The following PAPSS1 variants were observed in gnomAD, a reference collection of about 807,000 sequenced individuals.
PAPSS1 encodes 3'-phosphoadenosine 5'-phosphosulfate synthase 1.
In PAPSS1, 50 loss-of-function variants were observed where a neutral mutation model predicts 72.0. That is an observed-to-expected ratio of 0.69 (90% CI 0.55 to 0.88). The LOEUF (loss-of-function observed/expected upper bound fraction) is 0.88, where lower values mean the gene tolerates loss of function less well. Ranked by LOEUF, PAPSS1 falls within the 40% of genes least tolerant of loss-of-function variation. The pLI, the probability that PAPSS1 is intolerant of heterozygous loss-of-function variation, is 0.00. For synonymous variants in PAPSS1, 261 were observed against 263.6 expected (o/e 0.99, Z 0.09); for missense variants, 657 against 782.2 (o/e 0.84, Z 1.91).
chr4:107,648,278 T>G (rs554499945), intron 9 of PAPSS1, among the ~76,000 whole-genome samples: 1 of 152,196 alleles, frequency 6.6e-6, no homozygotes, highest in Non-Finnish European at 1.5e-5. Flanking sequence ...CAGCATTCCG[T>G]GAACACATGT....
rs778812080 is a variant in PAPSS1 at position 107,644,934 on chromosome 4, T to C, written c.1374A>G (p.Thr458=). 9 of 1,614,074 alleles carry C rather than the reference T, an allele frequency of 5.6e-6. No homozygotes were observed. The highest frequency in any genetic ancestry group is 1.6e-4 in the Middle Eastern group (1 of 6,062). ...ACATCAAAGGAACATCGTCATCCTT[T>C]GTCCAGCCACCCAGAGGGTGGAGGA... ...VLLLHPLGGW[T]KDDDVPLMWR... Residue 458 remains threonine (T), a synonymous_variant, in exon 10 of 12, where the codon ACA becomes ACG. Transcript: ENST00000265174.
chr4:107,656,821 A>G (rs1727023959), intron 7 of PAPSS1, 75 bp downstream of exon 7: 1 of 1,046,168 alleles, frequency 9.6e-7, no homozygotes, highest in Admixed American at 1.8e-5. Context: ...TACTTTTTGT[A>G]AACAGTGACA....
chr4:107,717,093 A>C (rs61079273), intron 1 of PAPSS1, among the ~76,000 whole-genome samples: 1,549 of 150,580 alleles, frequency 0.01, 37 homozygotes, highest in African/African-American at 0.035. Context: ...AAAAAAAAAA[A>C]CTCCAGATTT....
chr4:107,632,124 T>C (rs1022599936), intron 10 of PAPSS1, among the ~76,000 whole-genome samples: 1 of 152,136 alleles, frequency 6.6e-6, no homozygotes, highest in Non-Finnish European at 1.5e-5. Context: ...ATAAGATATA[T>C]GTAAACATAC....
intron 5 of PAPSS1, among the ~76,000 whole-genome samples, chr4:107,667,221 G>A (rs916510152): frequency 2.0e-5 from 3 of 152,182 alleles, no homozygotes; most frequent in South Asian, 2.1e-4. Context: ...GTGAGCACAC[G>A]GAGGTACTGG....
At chr4:107,662,417 G>A (rs901212264) in intron 5 of PAPSS1, among the ~76,000 whole-genome samples, 23 of 152,156 alleles carry the variant, frequency 1.5e-4, no homozygotes, top group Non-Finnish European at 2.6e-4. Flanking sequence ...AAAAATAATG[G>A]TGAAGGAAGA....
At chr4:107,663,508 C>T (rs1727241943) in intron 5 of PAPSS1, among the ~76,000 whole-genome samples, 1 of 152,158 alleles carries the variant, frequency 6.6e-6, no homozygotes, top group African/African-American at 2.4e-5. Flanking sequence ...GTTCTAAGAG[C>T]TTCATGTGAA....
intron 9 of PAPSS1, among the ~76,000 whole-genome samples, chr4:107,647,553 C>CT (rs1045997562): frequency 2.6e-5 from 4 of 151,994 alleles, no homozygotes; most frequent in African/African-American, 4.8e-5. Context: ...CCTCTCTATG[C>CT]TTTTTTTTAA....
intron 9 of PAPSS1, among the ~76,000 whole-genome samples, chr4:107,652,838 T>C (rs1362071428): frequency 6.6e-6 from 1 of 152,140 alleles, no homozygotes; most frequent in East Asian, 1.9e-4. Flanking sequence ...GATGAATTGT[T>C]TTGAGAAGTA....
chr4:107,661,219 G>A (rs748375201), intron 5 of PAPSS1, among the ~76,000 whole-genome samples: 2 of 152,206 alleles, frequency 1.3e-5, no homozygotes, highest in African/African-American at 2.4e-5. Context: ...TGCCAAAGAT[G>A]TGGAGCAATA....
intron 2 of PAPSS1, among the ~76,000 whole-genome samples, chr4:107,694,755 A>G (rs1723023321): frequency 6.6e-6 from 1 of 152,206 alleles, no homozygotes; most frequent in Non-Finnish European, 1.5e-5. Context: ...GAACACCCTC[A>G]TTTCAACTCA....
At chr4:107,626,009 T>G (rs1002936398) in intron 11 of PAPSS1, among the ~76,000 whole-genome samples, 37 of 150,138 alleles carry the variant, frequency 2.5e-4, no homozygotes, top group African/African-American at 8.3e-4. Context: ...AAACCCCATC[T>G]CTACTAAAAA....
chr4:107,622,007 T>C (rs1725977796), intron 11 of PAPSS1, among the ~76,000 whole-genome samples: 1 of 152,132 alleles, frequency 6.6e-6, no homozygotes, highest in Admixed American at 6.5e-5. Flanking sequence ...GGCACTTGTA[T>C]GGGGAGACCT....
At position 107,672,264 on chromosome 4, in the gene PAPSS1, G is replaced by A. The variant is rs370307899; in HGVS notation, c.669+9751C>T. 1.3e-3 allele frequency among the ~76,000 whole-genome samples: 198 copies of A among 152,314 alleles called. 2 individuals are homozygous for A. The highest frequency in any genetic ancestry group is 1.7e-3 in the African/African-American group (72 of 41,564). ...CACCAAGCATGAGATGAAGCAGGGCGAGGCATCGCCTCACCCAGGAAGCGC... is the reference window on the plus strand; with the variant it reads ...CACCAAGCATGAGATGAAGCAGGGCAAGGCATCGCCTCACCCAGGAAGCGC... On this transcript the variant is annotated intron_variant, in intron 5 of 11. Transcript: ENST00000265174.
At chr4:107,653,243 T>C (rs540355513) in intron 9 of PAPSS1, among the ~76,000 whole-genome samples, 2 of 152,164 alleles carry the variant, frequency 1.3e-5, no homozygotes, top group East Asian at 3.9e-4. Context: ...CATGCGAGTT[T>C]TATAATAAAT....
At chr4:107,718,923 C>T (rs1226762225) in intron 1 of PAPSS1, among the ~76,000 whole-genome samples, 1 of 152,084 alleles carries the variant, frequency 6.6e-6, no homozygotes, top group African/African-American at 2.4e-5. Flanking sequence ...ACTATTATAC[C>T]CTTAAGTCAA....
Position 107,683,999 on chromosome 4 carries a change from A to C in PAPSS1, c.551-1866T>G, listed in dbSNP as rs145755926. Among the ~76,000 whole-genome samples the C allele has an allele frequency of 1.8e-3, 268 of 152,186 alleles. 1 individual carries two copies. Among genetic ancestry groups the C allele is most frequent in the African/African-American group, 6.0e-3 (251 of 41,514 alleles). On this transcript the variant is annotated intron_variant, in intron 4 of 11. Transcript: ENST00000265174. Reference sequence around the variant, plus strand: ...ACAAACACACATTAACCTAAGGAACATTTTATCAACCTCTACTCAGGGGAA... The same window carrying C: ...ACAAACACACATTAACCTAAGGAACCTTTTATCAACCTCTACTCAGGGGAA...
chr4:107,698,429 C>G (rs1358379631), intron 2 of PAPSS1, among the ~76,000 whole-genome samples: 2 of 152,154 alleles, frequency 1.3e-5, no homozygotes, highest in Non-Finnish European at 2.9e-5. Flanking sequence ...TTTATGAAAA[C>G]TACAAGTTTT....
chr4:107,643,470 A>G (rs1726609423), intron 10 of PAPSS1, among the ~76,000 whole-genome samples: 1 of 152,162 alleles, frequency 6.6e-6, no homozygotes, highest in African/African-American at 2.4e-5. Context: ...ACTGAACTGT[A>G]GCTCGACCTC....
Sources: allele counts gnomAD v4.1 joint callset (sites outside exome capture counted in the v4.1 genomes callset), GRCh38; gene constraint gnomAD v4.1.1; transcripts MANE v1.5; gene names NCBI Gene and HGNC (gene_info 2026-07-23, HGNC 2026-07-21).